The following NPAT variants were observed in gnomAD, a reference collection of about 807,000 sequenced individuals.
The protein encoded by NPAT is nuclear protein, coactivator of histone transcription.
NPAT carries 52 observed loss-of-function variants against 130.7 expected under a neutral mutation model. That is an observed-to-expected ratio of 0.40 (90% CI 0.32 to 0.50). The LOEUF is 0.50. NPAT is among the 20% of genes least tolerant of loss of function. The probability of loss-of-function intolerance (pLI) is 0.68; values close to 1 mark genes in which losing one functional copy is unlikely to be tolerated. For synonymous variants in NPAT, 580 were observed against 584.8 expected (o/e 0.99, Z 0.12); for missense variants, 1,687 against 1,662.6 (o/e 1.01, Z -0.26).
intron 12 of NPAT, 127 bp downstream of exon 12, chr11:108,176,119 G>C (rs2078003247): frequency 1.4e-6 from 1 of 720,380 alleles, no homozygotes; most frequent in African/African-American, 1.8e-5. Flanking sequence ...TTAACAGAGA[G>C]AAAAATACAA....
In NPAT at chr11:108,202,056, A is replaced by G. The variant is rs1316479533; in HGVS notation, c.38-4636T>C. Among the ~76,000 whole-genome samples, 4 of 152,214 alleles carry G rather than the reference A, an allele frequency of 2.6e-5. No homozygotes were observed. The East Asian group carries it at 7.7e-4, about 29-fold the overall frequency. ...TCTCCTCAGGCACAAGTGATCAACT[A>G]GCTGAGGTAACTGCCCTCACAAAGG... is the stretch of plus-strand genomic sequence containing the variant. On this transcript the variant is annotated intron_variant, in intron 1 of 17. Transcript: ENST00000278612.
intron 15 of NPAT, 131 bp from the exon 16 acceptor site, chr11:108,162,311 G>A (rs1010194400): frequency 2.0e-5 from 15 of 742,046 alleles, no homozygotes; most frequent in African/African-American, 1.6e-4. Context: ...AATAGAACAC[G>A]TTGACAAAGC....
At chr11:108,219,427 G>A (rs2078463647) in intron 1 of NPAT, among the ~76,000 whole-genome samples, 1 of 152,124 alleles carries the variant, frequency 6.6e-6, no homozygotes, top group African/African-American at 2.4e-5. Flanking sequence ...TCTCACCAGT[G>A]TAAACGAATT....
chr11:108,189,380 G>A, intron 5 of NPAT, 50 bp from the exon 6 acceptor site: 1 of 1,545,044 alleles, frequency 6.5e-7, no homozygotes, highest in East Asian at 2.2e-5. Context: ...GGGTAGTTTG[G>A]GAATTGTAAG....
intron 1 of NPAT, among the ~76,000 whole-genome samples, chr11:108,202,531 A>C (rs1038457761): frequency 3.9e-5 from 6 of 152,200 alleles, no homozygotes; most frequent in African/African-American, 1.4e-4. Context: ...GCTACCAGCC[A>C]GGTAGTTCTT....
chr11:108,173,608 G>C lies in NPAT; in HGVS notation c.1376C>G (p.Ser459Cys). The C allele has an allele frequency of 1.2e-6, 2 of 1,614,172 alleles. No individual in the cohort carries two copies. The highest frequency in any genetic ancestry group is 4.5e-5 in the East Asian group (2 of 44,872). Reference sequence around the variant, plus strand: ...ACAATGTGGATTACATTCAGCATTAGAATTCCCTCTTTGGTTAAAGTCATT... The same window carrying C: ...ACAATGTGGATTACATTCAGCATTACAATTCCCTCTTTGGTTAAAGTCATT... Reference protein sequence around the residue: ...NLNDFNQRGNSNAECNPHCAE... With the variant: ...NLNDFNQRGNCNAECNPHCAE... The change falls in exon 13 of 18, where the codon TCT becomes TGT. Residue 459 changes from serine to cysteine, a missense_variant. By Grantham distance (112) the Ser-to-Cys change is moderately radical. Around this residue, in one of 3 missense-constraint regions of NPAT, gnomAD observed 1,379 missense variants for 1,346.6 expected, o/e 1.02. Coordinates refer to ENST00000278612, the MANE Select transcript of NPAT (RefSeq NM_002519.3).
At position 108,170,041 on chromosome 11, in the gene NPAT, A is replaced by G. The variant is rs752251726; in HGVS notation, c.2788T>C (p.Ser930Pro). Residue 930 changes from serine (S) to proline (P), a missense_variant and splice_region_variant, in exon 14 of 18, where the codon TCT (serine) becomes CCT (proline). Coordinates refer to ENST00000278612, the MANE Select transcript of NPAT (RefSeq NM_002519.3). ...ACTGGAGAGGCAATTATTATGGCAG[A>G]TCCTAAAAAAACAATTCTTGTTAAA... is the stretch of plus-strand genomic sequence containing the variant. ...QAVSPNFSQG[S>P]AIIIASPVQP... is the part of the protein sequence containing the mutation. The G allele has an allele frequency of 9.4e-6, 15 of 1,593,150 alleles. No individual in the cohort carries two copies. Among genetic ancestry groups the G allele is most frequent in the Non-Finnish European group, 1.2e-5 (14 of 1,161,164 alleles).
At chr11:108,210,943 AG>A (rs1487891102) in intron 1 of NPAT, among the ~76,000 whole-genome samples, 1 of 152,200 alleles carries the variant, frequency 6.6e-6, no homozygotes, top group Non-Finnish European at 1.5e-5. Context: ...CATGGGAGCC[AG>A]GGTCAATGGC....
chr11:108,184,582 G>C (rs528120573), intron 10 of NPAT, among the ~76,000 whole-genome samples: 18 of 152,046 alleles, frequency 1.2e-4, no homozygotes, highest in Admixed American at 6.6e-5. Flanking sequence ...CCAGGCTGGA[G>C]AGCAGTGGTG....
At chr11:108,188,979 T>C (rs928260992) in intron 6 of NPAT, 127 bp downstream of exon 6, 5 of 759,352 alleles carry the variant, frequency 6.6e-6, no homozygotes, top group African/African-American at 5.2e-5. Flanking sequence ...TGTTCCACTT[T>C]TAGTCTCTCT....
rs554013284 is a variant in NPAT, at chr11:108,165,454, A to T, written c.3011-3274T>A. 4.1e-3 allele frequency among the ~76,000 whole-genome samples: 416 copies of T among 101,950 alleles called. 3 individuals carry two copies. Among genetic ancestry groups the T allele is most frequent in the African/African-American group, 0.012 (359 of 28,790 alleles). The allele number at this position is 101,950 out of a possible 152,430, so 66.9% of individuals were successfully genotyped here. A position where few individuals can be genotyped will look rare whatever the true frequency, so the allele number is the denominator to read the frequency against. On this transcript the variant is annotated intron_variant, in intron 15 of 17. Transcript: ENST00000278612. ...AATATATACACACACATATGTATTT[A>T]TATATATATATATATATATTTTTTT...
intron 1 of NPAT, among the ~76,000 whole-genome samples, chr11:108,216,629 T>C (rs1434001483): frequency 7.2e-6 from 1 of 138,818 alleles, no homozygotes; most frequent in East Asian, 2.0e-4. Flanking sequence ...TTCAGAAAAA[T>C]ATTGTCATTT....
chr11:108,164,358 T>C (rs1211200171), intron 15 of NPAT, among the ~76,000 whole-genome samples: 3 of 152,162 alleles, frequency 2.0e-5, no homozygotes, highest in Non-Finnish European at 4.4e-5. Flanking sequence ...GGTGTAAAAG[T>C]TGAGATGGCT....
At chr11:108,213,440 A>G (rs2078403358) in intron 1 of NPAT, among the ~76,000 whole-genome samples, 1 of 152,262 alleles carries the variant, frequency 6.6e-6, no homozygotes, top group Non-Finnish European at 1.5e-5. Flanking sequence ...AATACTTAGG[A>G]ATAAGTTTAA....
chr11:108,199,045 A>C (rs550475512), intron 1 of NPAT, among the ~76,000 whole-genome samples: 12 of 152,320 alleles, frequency 7.9e-5, no homozygotes, highest in South Asian at 6.2e-4. Flanking sequence ...AGACTGAAGC[A>C]GGGTAGAGGG....
At chr11:108,198,401 A>G (rs2078244140) in intron 1 of NPAT, among the ~76,000 whole-genome samples, 1 of 152,216 alleles carries the variant, frequency 6.6e-6, no homozygotes, top group Non-Finnish European at 1.5e-5. Context: ...ATAAGTTGGA[A>G]AAACTAAAGG....
intron 10 of NPAT, among the ~76,000 whole-genome samples, chr11:108,184,751 G>A (rs2078090248): frequency 6.6e-6 from 1 of 152,126 alleles, no homozygotes; most frequent in South Asian, 2.1e-4. Context: ...AGCTGGTCTC[G>A]AATTCCTGGC....
At chr11:108,207,299 C>T (rs1807118926) in intron 1 of NPAT, among the ~76,000 whole-genome samples, 1 of 152,228 alleles carries the variant, frequency 6.6e-6, no homozygotes. Flanking sequence ...CATAAATTCT[C>T]ACTCTGGGCC....
At chr11:108,214,411 C>A (rs1270241753) in intron 1 of NPAT, among the ~76,000 whole-genome samples, 1 of 151,960 alleles carries the variant, frequency 6.6e-6, no homozygotes, top group Non-Finnish European at 1.5e-5. Context: ...TGTATAGATA[C>A]AGAAAGTAGA....
Sources: allele counts gnomAD v4.1 joint callset (sites outside exome capture counted in the v4.1 genomes callset), GRCh38; gene constraint gnomAD v4.1.1; regional missense constraint gnomAD v4.1.1; transcripts MANE v1.5; gene names NCBI Gene and HGNC (gene_info 2026-07-23, HGNC 2026-07-21).